Variants in RUNX2 observed in about 807,000 individuals in gnomAD.
RUNX2 encodes the protein RUNX family transcription factor 2.
Under a neutral mutation model 51.7 loss-of-function variants are expected in RUNX2, and 10 were observed. That is an observed-to-expected ratio of 0.19 (90% confidence interval 0.12 to 0.33). The LOEUF is 0.33. Ranked by LOEUF, RUNX2 falls within the 10% of genes least tolerant of loss-of-function variation. RUNX2 has a pLI of 1.00. For synonymous variants in RUNX2, 276 were observed against 273.6 expected, an observed-to-expected ratio of 1.01 and a Z score of -0.09; for missense variants, 562 against 691.3, an observed-to-expected ratio of 0.81 and a Z score of 2.10.
At chr6:45,412,962 G>T (rs980747996) in intron 2 of RUNX2, among the ~76,000 whole-genome samples, 10 of 152,144 alleles carry the variant, frequency 6.6e-5, no homozygotes, top group Non-Finnish European at 1.5e-4. Context: ...TGTTGGCCAG[G>T]CTGGTTTCAA....
chr6:45,527,690 G>A (rs1208919091), intron 7 of RUNX2, among the ~76,000 whole-genome samples: 1 of 152,162 alleles, frequency 6.6e-6, no homozygotes, highest in Non-Finnish European at 1.5e-5. Context: ...TATTAACCTG[G>A]AAATTTCAGG....
chr6:45,488,626 T>A lies in RUNX2; in HGVS notation c.686-3315T>A, dbSNP rs1245319641. Among the ~76,000 whole-genome samples the A allele has an allele frequency of 3.3e-5, 5 of 152,328 alleles. No homozygotes were observed. In the East Asian group the frequency reaches 9.6e-4, roughly 29 times the overall value. On this transcript the variant is annotated intron_variant, in intron 5 of 8. Coordinates refer to ENST00000647337, the MANE Select transcript of RUNX2 (RefSeq NM_001024630.4). ...CAGGTCCCACTATCAGAAATTCTGA[T>A]TTAATTGATCTGATATGGGGCCTGG...
intron 5 of RUNX2, among the ~76,000 whole-genome samples, chr6:45,459,385 A>G (rs1271313779): frequency 6.6e-6 from 1 of 152,256 alleles, no homozygotes; most frequent in Non-Finnish European, 1.5e-5. Context: ...GCTCACATCA[A>G]CCAGGCAGCC....
At chr6:45,354,854 T>C (rs771948222) in intron 2 of RUNX2, among the ~76,000 whole-genome samples, 33 of 152,148 alleles carry the variant, frequency 2.2e-4, no homozygotes, top group Non-Finnish European at 5.9e-5. Flanking sequence ...AGTCCTGTGA[T>C]ATATATTAAG....
chr6:45,371,080 A>G (rs1386098152), intron 2 of RUNX2, among the ~76,000 whole-genome samples: 2 of 152,164 alleles, frequency 1.3e-5, no homozygotes, highest in African/African-American at 2.4e-5. Context: ...TTAATGGTTA[A>G]CTTTTGAGAT....
intron 2 of RUNX2, among the ~76,000 whole-genome samples, chr6:45,385,975 T>C (rs1238542637): frequency 6.6e-6 from 1 of 152,258 alleles, no homozygotes; most frequent in East Asian, 1.9e-4. Context: ...CAAATTCTTA[T>C]TTGTTTTTAA....
chr6:45,510,642 AG>A (rs973766565), intron 6 of RUNX2, among the ~76,000 whole-genome samples: 4 of 152,196 alleles, frequency 2.6e-5, no homozygotes, highest in Admixed American at 6.5e-5. Flanking sequence ...AAAGAATAAT[AG>A]GTGATGTGTA....
chr6:45,455,338 T>C (rs993983358), intron 5 of RUNX2, among the ~76,000 whole-genome samples: 6 of 152,242 alleles, frequency 3.9e-5, no homozygotes, highest in Non-Finnish European at 8.8e-5. Context: ...AATTGACAAA[T>C]AATTATATTC....
chr6:45,359,627 A>G (rs193235257), intron 2 of RUNX2, among the ~76,000 whole-genome samples: 1 of 152,356 alleles, frequency 6.6e-6, no homozygotes, highest in East Asian at 1.9e-4. Flanking sequence ...ACAAGCATCT[A>G]ATAAGTATAT....
At chr6:45,372,171 T>C (rs1796159227) in intron 2 of RUNX2, 1 of 260,838 alleles carries the variant, frequency 3.8e-6, no homozygotes, top group South Asian at 1.5e-4. Flanking sequence ...TTATAGGCTC[T>C]AACACTTACA....
chr6:45,478,833 A>T (rs1225756760), intron 5 of RUNX2, among the ~76,000 whole-genome samples: 1 of 152,138 alleles, frequency 6.6e-6, no homozygotes, highest in Non-Finnish European at 1.5e-5. Flanking sequence ...GTTCTCTTTC[A>T]TACTGCATTT....
At chr6:45,453,775 C>T (rs1799242925) in intron 5 of RUNX2, among the ~76,000 whole-genome samples, 1 of 152,200 alleles carries the variant, frequency 6.6e-6, no homozygotes, top group South Asian at 2.1e-4. Context: ...AGATTCCCCA[C>T]ATTGACTCTC....
chr6:45,373,036 A>C (rs1292563260), intron 2 of RUNX2, among the ~76,000 whole-genome samples: 1 of 152,002 alleles, frequency 6.6e-6, no homozygotes, highest in African/African-American at 2.4e-5. Context: ...CAAACTCCTG[A>C]CCTCAGGCGA....
At chr6:45,466,012 T>A (rs957051473) in intron 5 of RUNX2, among the ~76,000 whole-genome samples, 1 of 152,070 alleles carries the variant, frequency 6.6e-6, no homozygotes, top group African/African-American at 2.4e-5. Flanking sequence ...AATCTTGAGA[T>A]GTTAAGAAAA....
chr6:45,355,088 C>A (rs1298368944), intron 2 of RUNX2, among the ~76,000 whole-genome samples: 1 of 151,666 alleles, frequency 6.6e-6, no homozygotes, highest in African/African-American at 2.4e-5. Context: ...AATCCTTCCA[C>A]CTCAGCCTCC....
chr6:45,432,413 G>C (rs1220741812), intron 4 of RUNX2, among the ~76,000 whole-genome samples: 1 of 152,156 alleles, frequency 6.6e-6, no homozygotes, highest in South Asian at 2.1e-4. Flanking sequence ...GGTCTAAGTT[G>C]TAGCAAGGAC....
chr6:45,509,983 T>C (rs1008970725), intron 6 of RUNX2, among the ~76,000 whole-genome samples: 3 of 152,172 alleles, frequency 2.0e-5, no homozygotes, highest in African/African-American at 7.2e-5. Flanking sequence ...TCTTTGTCTT[T>C]TGAAAATGTT....
chr6:45,543,124 T>C lies in RUNX2; in HGVS notation c.1022-2093T>C, dbSNP rs149776848. On this transcript the variant is annotated intron_variant, in intron 7 of 8. Coordinates refer to ENST00000647337, the MANE Select transcript of RUNX2 (RefSeq NM_001024630.4). ...ATGTTGCACTCTCCTCCACATCATA[T>C]TCATGTTTATTGTATAGTGTATTAT... Among the ~76,000 whole-genome samples, 97 of 152,358 alleles carry C rather than the reference T, an allele frequency of 6.4e-4. No homozygotes were observed. The East Asian group carries it at 0.017, about 27-fold the overall frequency.
At chr6:45,418,085 A>G (rs1224668124) in intron 2 of RUNX2, among the ~76,000 whole-genome samples, 1 of 152,258 alleles carries the variant, frequency 6.6e-6, no homozygotes, top group African/African-American at 2.4e-5. Flanking sequence ...CAATGTGCCC[A>G]TAATTTTCCA....
Sources: gnomAD v4.1 joint callset for allele counts (sites outside exome capture counted in the v4.1 genomes callset) on GRCh38, gnomAD v4.1.1 for gene constraint, MANE v1.5 for transcripts, NCBI Gene and HGNC (gene_info 2026-07-23, HGNC 2026-07-21) for gene names.